Variants in C1D observed in about 807,000 individuals in gnomAD.
C1D encodes the protein nuclear nucleic acid-binding protein C1D.
Under a neutral mutation model 17.5 loss-of-function variants are expected in C1D, and 10 were observed. The ratio of observed to expected loss-of-function variants is 0.57; its 90% CI spans 0.35 to 0.97. C1D has a LOEUF of 0.97. Ranked by LOEUF, C1D falls within the 50% of genes least tolerant of loss-of-function variation. The pLI is 0.01. For synonymous variants in C1D, 49 were observed against 54.0 expected, an observed-to-expected ratio of 0.91 and a Z score of 0.40; for missense variants, 136 against 160.1, an observed-to-expected ratio of 0.85 and a Z score of 0.81.
Position 68,042,969 on chromosome 2 carries a change from T to C in C1D, c.346A>G (p.Arg116Gly). 6.2e-7 allele frequency: 1 copy of C among 1,611,438 alleles called. No individual in the cohort carries two copies. The change falls in exon 5 of 5, where the codon AGA becomes GGA. Residue 116 changes from arginine (R) to glycine (G), a missense_variant. By Grantham distance (125) the Arg-to-Gly change is moderately radical (BLOSUM62 -2). Coordinates refer to ENST00000410067, the MANE Select transcript of C1D (RefSeq NM_173177.3). ...AGKLDRGAASRFVKNALWEPK... is the reference protein window; with the variant it reads ...AGKLDRGAASGFVKNALWEPK... ...TCCCAGAGGGCATTTTTTACAAATC[T>C]TGAAGCTGCACCTCTGTCCAGCTTG...
intron 1 of C1D, among the ~76,000 whole-genome samples, chr2:68,054,673 C>T (rs1432150226): frequency 1.3e-5 from 2 of 151,998 alleles, no homozygotes; most frequent in Non-Finnish European, 2.9e-5. Context: ...ATTAAAAAGA[C>T]AATCACAGCC....
At chr2:68,062,128 A>T (rs996469376) in intron 1 of C1D, among the ~76,000 whole-genome samples, 1 of 152,232 alleles carries the variant, frequency 6.6e-6, no homozygotes, top group African/African-American at 2.4e-5. Context: ...TGATTCTTAC[A>T]TATTGCATGC....
chr2:68,043,104 C>T, intron 4 of C1D, 51 bp from the exon 5 acceptor site: 1 of 1,383,252 alleles, frequency 7.2e-7, no homozygotes, highest in Non-Finnish European at 1.0e-6. Flanking sequence ...TTCGCCACCA[C>T]TGAATTTTAT....
At chr2:68,050,978 A>G (rs1671262762) in intron 1 of C1D, among the ~76,000 whole-genome samples, 1 of 152,080 alleles carries the variant, frequency 6.6e-6, no homozygotes, top group Admixed American at 6.5e-5. Flanking sequence ...CTCTCACTTC[A>G]TCTTTAATAC....
Position 68,042,527 on chromosome 2 carries a change from T to C in C1D, c.*362A>G, listed in dbSNP as rs1311076073. The C allele has an allele frequency of 6.2e-6, 1 of 160,886 alleles. No homozygotes were observed. Among genetic ancestry groups the C allele is most frequent in the South Asian group, 1.7e-4 (1 of 6,000 alleles). 10.0% of individuals were successfully genotyped at this position (160,886 alleles called of 1,614,324 possible). The stretch of plus-strand genomic sequence containing the variant: ...CTATAATTTCAGCCTACAGATAGCA[T>C]ACTTCATAAGGTCATTATTCATTTA... On this transcript the variant is annotated 3_prime_UTR_variant, in exon 5 of 5. Coordinates refer to ENST00000410067, the MANE Select transcript of C1D (RefSeq NM_173177.3).
At chr2:68,054,287 AG>A (rs1357986627) in intron 1 of C1D, among the ~76,000 whole-genome samples, 2 of 152,232 alleles carry the variant, frequency 1.3e-5, no homozygotes, top group Non-Finnish European at 2.9e-5. Flanking sequence ...CAGAAGCATC[AG>A]AGGAGTTACC....
intron 1 of C1D, among the ~76,000 whole-genome samples, chr2:68,056,613 A>G (rs1271267567): frequency 6.6e-6 from 1 of 152,196 alleles, no homozygotes; most frequent in Non-Finnish European, 1.5e-5. Context: ...AGAAAAATAA[A>G]CAAGAAAATC....
chr2:68,047,145 T>A (rs536320787), intron 2 of C1D, 28 bp downstream of exon 2: 11 of 1,586,840 alleles, frequency 6.9e-6, no homozygotes, highest in African/African-American at 1.4e-5. Context: ...ATGAAATTCA[T>A]TTTTAGGAAA....
At chr2:68,051,220 CA>C (rs1671272101) in intron 1 of C1D, among the ~76,000 whole-genome samples, 1 of 152,198 alleles carries the variant, frequency 6.6e-6, no homozygotes, top group African/African-American at 2.4e-5. Context: ...CGACATAAGA[CA>C]AAAATCCTTA....
At chr2:68,060,494 T>C (rs1440464499) in intron 1 of C1D, among the ~76,000 whole-genome samples, 1 of 151,908 alleles carries the variant, frequency 6.6e-6, no homozygotes, top group Admixed American at 6.6e-5. Context: ...ACACAAAAAA[T>C]TAGCTGGGCA....
In C1D at chr2:68,060,095, T is replaced by C. The variant is rs780818806; in HGVS notation, c.-10+2863A>G. Among the ~76,000 whole-genome samples the C allele has an allele frequency of 7.2e-5, 11 of 152,226 alleles. No individual in the cohort carries two copies. In the East Asian group the frequency reaches 2.1e-3, roughly 29 times the overall value. On this transcript the variant is annotated intron_variant, in intron 1 of 4. Transcript: ENST00000410067. ...GTTAATGGCAATTCCCTTCTTCTAG[T>C]TGCTCAAGCCCCAAACTTTGACAAT...
intron 1 of C1D, among the ~76,000 whole-genome samples, chr2:68,049,572 G>A (rs930704083): frequency 1.3e-5 from 2 of 152,138 alleles, no homozygotes; most frequent in Non-Finnish European, 2.9e-5. Context: ...TTACACAGTA[G>A]TCAAAGACCT....
intron 2 of C1D, chr2:68,046,706 C>T (rs1347483338): frequency 6.1e-6 from 2 of 329,694 alleles, no homozygotes; most frequent in African/African-American, 2.1e-5. Flanking sequence ...TCGGGAGTTA[C>T]GATCTGGGCT....
At chr2:68,061,827 T>A (rs1023144894) in intron 1 of C1D, among the ~76,000 whole-genome samples, 7 of 152,080 alleles carry the variant, frequency 4.6e-5, no homozygotes, top group African/African-American at 1.4e-4. Flanking sequence ...AAGAAAAAAA[T>A]TACATTACTT....
intron 4 of C1D, among the ~76,000 whole-genome samples, chr2:68,044,246 G>T (rs888814771): frequency 6.6e-6 from 1 of 152,174 alleles, no homozygotes; most frequent in Non-Finnish European, 1.5e-5. Context: ...TCTGCCACAA[G>T]GGCAGGGATC....
At chr2:68,061,547 CAT>C (rs1166646548) in intron 1 of C1D, among the ~76,000 whole-genome samples, 3 of 152,204 alleles carry the variant, frequency 2.0e-5, no homozygotes, top group African/African-American at 7.2e-5. Context: ...CCTTCCAAAA[CAT>C]ATGGAAGTTG....
intron 1 of C1D, among the ~76,000 whole-genome samples, chr2:68,058,032 A>G (rs188286128): frequency 1.3e-3 from 192 of 152,330 alleles, no homozygotes; most frequent in African/African-American, 4.3e-3. Context: ...AACGAAATTC[A>G]CAAAAGACAT....
chr2:68,042,847 G>GA lies in C1D; in HGVS notation c.*41dup, dbSNP rs745636121. On this transcript the variant is annotated 3_prime_UTR_variant, in exon 5 of 5. Coordinates refer to ENST00000410067, the MANE Select transcript of C1D (RefSeq NM_173177.3). Reference sequence around the variant, plus strand: ...ATTTTGCGGGGGGGGGGGGGGGGGGGAAGATGTACTTTTTGAATATGTGTA... The same window carrying GA: ...ATTTTGCGGGGGGGGGGGGGGGGGGGAAAGATGTACTTTTTGAATATGTGTA... The GA allele has an allele frequency of 1.1e-4, 35 of 317,450 alleles. 1 individual carries two copies. Among genetic ancestry groups the GA allele is most frequent in the African/African-American group, 8.4e-4 (21 of 24,954 alleles). The allele number at this position is 317,450 out of a possible 1,614,324, so 19.7% of individuals were successfully genotyped here.
chr2:68,058,641 G>T (rs1671508722), intron 1 of C1D, among the ~76,000 whole-genome samples: 1 of 152,184 alleles, frequency 6.6e-6, no homozygotes, highest in Non-Finnish European at 1.5e-5. Flanking sequence ...CCCATCAGTG[G>T]ATTTGTGTGG....
Sources: gnomAD v4.1 joint callset for allele counts (sites outside exome capture counted in the v4.1 genomes callset) on GRCh38, gnomAD v4.1.1 for gene constraint, MANE v1.5 for transcripts, NCBI Gene and HGNC (gene_info 2026-07-23, HGNC 2026-07-21) for gene names.